ROBO3: variants seen among roughly 807,000 people sequenced by gnomAD.
The protein encoded by ROBO3 is roundabout guidance receptor 3, also known as roundabout homolog 3.
ROBO3 carries 97 observed loss-of-function variants against 160.5 expected under a neutral mutation model. The ratio of observed to expected loss-of-function variants is 0.60; its 90% CI spans 0.51 to 0.72. ROBO3 has a LOEUF of 0.72. ROBO3 is among the 30% of genes least tolerant of loss of function. ROBO3 has a pLI of 0.00. For synonymous variants in ROBO3, 780 were observed against 746.2 expected, an observed-to-expected ratio of 1.05 and a Z score of -0.74; for missense variants, 1,858 against 1,846.5, an observed-to-expected ratio of 1.01 and a Z score of -0.11.
chr11:124,869,916 A>G lies in ROBO3; in HGVS notation c.646-32A>G, dbSNP rs1208745795. Reference sequence around the variant, plus strand: ...TATATATATACGCTGTGATAGCTGAAATGGACCAAAGTTACCATTATTGCT... The same window carrying G: ...TATATATATACGCTGTGATAGCTGAGATGGACCAAAGTTACCATTATTGCT... On this transcript the variant is annotated intron_variant, in intron 3 of 27. Coordinates refer to ENST00000397801, the MANE Select transcript of ROBO3 (RefSeq NM_022370.4). This position sits in a 1 kb window ranked among gnomAD's most constrained non-coding sequence, Gnocchi z 4.2. 2 of 1,567,742 alleles carry G rather than the reference A, an allele frequency of 1.3e-6. No homozygotes were observed. The highest frequency in any genetic ancestry group is 1.7e-6 in the Non-Finnish European group (2 of 1,156,348).
In ROBO3 at chr11:124,879,274, T is replaced by G. The variant is rs1591521333; in HGVS notation, c.3618T>G (p.Gly1206=). ...GTGAAGCGAGGCCTGCTGGCTTGGG[T>G]GCTGGCCCTGCAGCCTCACCCCACC... ...GIREARPAGL[G]AGPAASPHLS... is the part of the protein sequence containing the mutation. The change falls in exon 24 of 28, where the codon GGT becomes GGG. Residue 1206 remains glycine (G), a synonymous_variant. Transcript: ENST00000397801. The G allele has an allele frequency of 6.3e-7, 1 of 1,586,274 alleles. No homozygotes were observed.
chr11:124,873,038 C>T lies in ROBO3; in HGVS notation c.1485C>T (p.Asp495=), dbSNP rs144055440. 848 of 1,613,936 alleles carry T rather than the reference C, an allele frequency of 5.3e-4. 2 individuals are homozygous for T. In the African/African-American group the frequency reaches 9.2e-3, roughly 18 times the overall value. The change falls in exon 9 of 28, where the codon GAC becomes GAT. Residue 495 remains aspartate (D), a synonymous_variant. Coordinates refer to ENST00000397801, the MANE Select transcript of ROBO3 (RefSeq NM_022370.4). This position sits in a 1 kb window ranked among gnomAD's most constrained non-coding sequence, Gnocchi z 4.5. ...ATGGGCAGTGGCTGCAGGGGGATGA[C>T]CTCCAGTTCAAGACAATGGCCAACG... is the stretch of plus-strand genomic sequence containing the variant. ...KKDGQWLQGD[D]LQFKTMANGT...
Position 124,873,880 on chromosome 11 carries a change from A to C in ROBO3, c.1784+18A>C. The C allele has an allele frequency of 6.2e-7, 1 of 1,611,780 alleles. No homozygotes were observed. Among genetic ancestry groups the C allele is most frequent in the Non-Finnish European group, 8.5e-7 (1 of 1,178,726 alleles). The stretch of plus-strand genomic sequence containing the variant: ...GCCTTCAGGTATGGAGAAAGTTTTG[A>C]ATGCAAACCTGGAGAGTTAAAAGGA... On this transcript the variant is annotated intron_variant, in intron 11 of 27. Coordinates refer to ENST00000397801, the MANE Select transcript of ROBO3 (RefSeq NM_022370.4). The surrounding 1 kb of genome is among the most constrained non-coding windows in gnomAD (Gnocchi z 4.5).
At position 124,873,342 on chromosome 11, in the gene ROBO3, C is replaced by A; in HGVS notation, c.1569C>A (p.Ala523=). 5 of 1,612,128 alleles carry A rather than the reference C, an allele frequency of 3.1e-6. No homozygotes were observed. The highest frequency in any genetic ancestry group is 4.2e-6 in the Non-Finnish European group (5 of 1,179,270). ...EMDMGFYSCV[A]KSSTGEATWS... is the part of the protein sequence containing the mutation. ...ACATGGGCTTCTACAGCTGCGTGGC[C>A]AAGAGTTCCACAGGGGAAGCCACAT... Residue 523 remains alanine, a synonymous_variant, in exon 10 of 28, where the codon GCC becomes GCA. Transcript: ENST00000397801. The surrounding 1 kb of genome is among the most constrained non-coding windows in gnomAD (Gnocchi z 4.5).
At chr11:124,870,487 G>A (rs926864195) in intron 5 of ROBO3, 114 bp from the exon 6 acceptor site, 16 of 1,537,456 alleles carry the variant, frequency 1.0e-5, no homozygotes, top group South Asian at 9.6e-5. Context: ...ACCAGCTTCT[G>A]TCCCTGCTGG....
rs940907182 is a variant in ROBO3 at position 124,873,188 on chromosome 11, C to A, written c.1536+99C>A. On this transcript the variant is annotated intron_variant, in intron 9 of 27. Coordinates refer to ENST00000397801, the MANE Select transcript of ROBO3 (RefSeq NM_022370.4). This position sits in a 1 kb window ranked among gnomAD's most constrained non-coding sequence, Gnocchi z 4.5. ...CACTGGGCCTGTAGCCCCATCTTTACCCCTCTGTTCTCTCAGAGCACCTAG... is the reference window on the plus strand; with the variant it reads ...CACTGGGCCTGTAGCCCCATCTTTAACCCTCTGTTCTCTCAGAGCACCTAG... The A allele has an allele frequency of 5.6e-6, 8 of 1,420,412 alleles. No individual in the cohort carries two copies. Among genetic ancestry groups the A allele is most frequent in the Non-Finnish European group, 6.8e-6 (7 of 1,026,462 alleles). The allele number at this position is 1,420,412 out of a possible 1,614,324, so 88.0% of individuals were successfully genotyped here. A position where few individuals can be genotyped will look rare whatever the true frequency, so the allele number is the denominator to read the frequency against.
In ROBO3 at chr11:124,877,145, G is replaced by A; in HGVS notation, c.2780-16G>A. 6.2e-7 allele frequency: 1 copy of A among 1,613,742 alleles called. No homozygotes were observed. The highest frequency in any genetic ancestry group is 8.5e-7 in the Non-Finnish European group (1 of 1,179,780). ...CATTTCACCTCTTCTTTCTCCCACG[G>A]GTTCCTTTCTGGAAGCCTCTTTTGC... On this transcript the variant is annotated splice_polypyrimidine_tract_variant and intron_variant, in intron 17 of 27. Transcript: ENST00000397801.
chr11:124,871,194 C>A, intron 7 of ROBO3, 56 bp downstream of exon 7: 1 of 1,551,826 alleles, frequency 6.4e-7, no homozygotes, highest in East Asian at 2.3e-5. Context: ...GCTCAGCCTC[C>A]CTCCCTCTAC....
chr11:124,875,732 G>A (rs373181784), intron 15 of ROBO3, 47 bp downstream of exon 15: 2 of 1,564,596 alleles, frequency 1.3e-6, no homozygotes, highest in Admixed American at 3.7e-5. Context: ...GGCCGGGAGG[G>A]AGAGGGAGGA....
rs1050614241 is a variant in ROBO3 at position 124,872,922 on chromosome 11, C to G, written c.1369C>G (p.Pro457Ala). ...DGLPPVILQG[P>A]ANQTLVLGSS... ...GCTGCCTCCTGTCATCCTCCAGGGA[C>G]CAGCCAATCAGACGCTGGTGCTTGG... is the stretch of plus-strand genomic sequence containing the variant. The change falls in exon 9 of 28, where the codon CCA becomes GCA. Residue 457 changes from proline (P) to alanine (A), a missense_variant. Pro to Ala is a conservative substitution (Grantham distance 27, BLOSUM62 -1). Transcript: ENST00000397801. The surrounding 1 kb of genome is among the most constrained non-coding windows in gnomAD (Gnocchi z 4.3). The G allele has an allele frequency of 6.2e-7, 1 of 1,611,442 alleles. No homozygotes were observed. Among genetic ancestry groups the G allele is most frequent in the African/African-American group, 1.3e-5 (1 of 75,004 alleles).
Position 124,871,066 on chromosome 11 carries a change from G to A in ROBO3, c.1086G>A (p.Glu362=). The change falls in exon 7 of 28, where the codon GAG becomes GAA. Residue 362 remains glutamate (E), a synonymous_variant. Coordinates refer to ENST00000397801, the MANE Select transcript of ROBO3 (RefSeq NM_022370.4). ...QPQDQMAAPG[E]SVAFQCETKG... ...AGGACCAGATGGCAGCTCCTGGAGAGAGCGTGGCTTTCCAGTGCGAGACCA... is the reference window on the plus strand; with the variant it reads ...AGGACCAGATGGCAGCTCCTGGAGAAAGCGTGGCTTTCCAGTGCGAGACCA... 6.2e-7 allele frequency: 1 copy of A among 1,613,818 alleles called. No homozygotes were observed. The highest frequency in any genetic ancestry group is 8.5e-7 in the Non-Finnish European group (1 of 1,179,718).
Position 124,878,495 on chromosome 11 carries a change from G to C in ROBO3, c.3320+59G>C. 3.1e-6 allele frequency: 5 copies of C among 1,602,232 alleles called. No individual in the cohort carries two copies. Among genetic ancestry groups the C allele is most frequent in the Non-Finnish European group, 3.4e-6 (4 of 1,172,602 alleles). On this transcript the variant is annotated intron_variant, in intron 22 of 27. Coordinates refer to ENST00000397801, the MANE Select transcript of ROBO3 (RefSeq NM_022370.4). The surrounding 1 kb of genome is among the most constrained non-coding windows in gnomAD (Gnocchi z 4.3). ...CTGCGGCCAGACCATGGGCTGCTGG[G>C]GAGGAAGGGGAGGGGGCAGCAGGAA...
chr11:124,869,767 C>G lies in ROBO3; in HGVS notation c.645+160C>G, dbSNP rs1302546754. Among the ~76,000 whole-genome samples the G allele has an allele frequency of 6.6e-6, 1 of 152,156 alleles. No individual in the cohort carries two copies. ...AGACGGAATTGGTATAAAAAAGGGGCGGGGGCATGATGCCCCAGGAACTTC... is the reference window on the plus strand; with the variant it reads ...AGACGGAATTGGTATAAAAAAGGGGGGGGGGCATGATGCCCCAGGAACTTC... On this transcript the variant is annotated intron_variant, in intron 3 of 27. Coordinates refer to ENST00000397801, the MANE Select transcript of ROBO3 (RefSeq NM_022370.4). The surrounding 1 kb of genome is among the most constrained non-coding windows in gnomAD (Gnocchi z 4.2).
In ROBO3 at chr11:124,865,458, G is replaced by C. The variant is rs185584218; in HGVS notation, c.-120G>C. Reference sequence around the variant, plus strand: ...TACCCAGGCGCACCGGCAGGAGAGCGGCACCGTGGCTGCCGCAGCGCGCAG... The same window carrying C: ...TACCCAGGCGCACCGGCAGGAGAGCCGCACCGTGGCTGCCGCAGCGCGCAG... On this transcript the variant is annotated 5_prime_UTR_variant, in exon 1 of 28. Coordinates refer to ENST00000397801, the MANE Select transcript of ROBO3 (RefSeq NM_022370.4). The surrounding 1 kb of genome is among the most constrained non-coding windows in gnomAD (Gnocchi z 5.5). The C allele has an allele frequency of 1.8e-3, 1,772 of 1,003,294 alleles. 28 individuals carry two copies. The African/African-American group carries it at 0.025, about 14-fold the overall frequency. 62.1% of individuals were successfully genotyped at this position (1,003,294 alleles called of 1,614,324 possible).
Position 124,873,010 on chromosome 11 carries a change from A to G in ROBO3, c.1457A>G (p.Lys486Arg). Residue 486 changes from lysine to arginine, a missense_variant, in exon 9 of 28, where the codon AAG becomes AGG. By Grantham distance (26) the Lys-to-Arg change is conservative. Coordinates refer to ENST00000397801, the MANE Select transcript of ROBO3 (RefSeq NM_022370.4). This position sits in a 1 kb window ranked among gnomAD's most constrained non-coding sequence, Gnocchi z 4.5. ...CCTCAACCCAGTGTCCGATGGAAGA[A>G]GGATGGGCAGTGGCTGCAGGGGGAT... is the stretch of plus-strand genomic sequence containing the variant. ...GNPQPSVRWKKDGQWLQGDDL... is the reference protein window; with the variant it reads ...GNPQPSVRWKRDGQWLQGDDL... The G allele has an allele frequency of 6.2e-7, 1 of 1,613,924 alleles. No homozygotes were observed. Among genetic ancestry groups the G allele is most frequent in the Non-Finnish European group, 8.5e-7 (1 of 1,179,860 alleles).
rs954524578 is a variant in ROBO3, at chr11:124,866,056, C to G, written c.160+319C>G. On this transcript the variant is annotated intron_variant, in intron 1 of 27. Coordinates refer to ENST00000397801, the MANE Select transcript of ROBO3 (RefSeq NM_022370.4). ...AGGGAAGTCCGAGCTAAGAAAGGCC[C>G]GGGCCCAGCGCAGGGAGGGCAGAGG... Among the ~76,000 whole-genome samples the G allele has an allele frequency of 2.6e-5, 4 of 152,144 alleles. No individual in the cohort carries two copies. The South Asian group carries it at 8.3e-4, about 32-fold the overall frequency.
chr11:124,872,578 G>A lies in ROBO3; in HGVS notation c.1330+26G>A. ...GTACGTGCCCATGGAGATAGGACTG[G>A]ATCCATGGCTTGGGAGGAAATAATG... On this transcript the variant is annotated intron_variant, in intron 8 of 27. Transcript: ENST00000397801. This position sits in a 1 kb window ranked among gnomAD's most constrained non-coding sequence, Gnocchi z 4.3. 1 of 1,597,918 alleles carries A rather than the reference G, an allele frequency of 6.3e-7. No individual in the cohort carries two copies. Among genetic ancestry groups the A allele is most frequent in the South Asian group, 1.1e-5 (1 of 90,266 alleles).
At position 124,869,436 on chromosome 11, in the gene ROBO3, A is replaced by T. The variant is rs11219820; in HGVS notation, c.488-14A>T. 1.1e-5 allele frequency: 14 copies of T among 1,283,452 alleles called. No homozygotes were observed. Among genetic ancestry groups the T allele is most frequent in the African/African-American group, 6.4e-5 (4 of 62,380 alleles). The allele number at this position is 1,283,452 out of a possible 1,614,324, so 79.5% of individuals were successfully genotyped here. A position where few individuals can be genotyped will look rare whatever the true frequency, so the allele number is the denominator to read the frequency against. On this transcript the variant is annotated splice_polypyrimidine_tract_variant and intron_variant, in intron 2 of 27. Coordinates refer to ENST00000397801, the MANE Select transcript of ROBO3 (RefSeq NM_022370.4). The surrounding 1 kb of genome is among the most constrained non-coding windows in gnomAD (Gnocchi z 4.2). Reference sequence around the variant, plus strand: ...CTACACCCTGCTTATTTCGCCCCCCACCGCCCCGCCCAGTCCTCCGTGATG... The same window carrying T: ...CTACACCCTGCTTATTTCGCCCCCCTCCGCCCCGCCCAGTCCTCCGTGATG...
Position 124,868,972 on chromosome 11 carries a change from C to T in ROBO3, c.331C>T (p.Pro111Ser). The T allele has an allele frequency of 1.2e-6, 2 of 1,603,698 alleles. No individual in the cohort carries two copies. The highest frequency in any genetic ancestry group is 1.1e-5 in the South Asian group (1 of 89,478). ...GCGTGTGGCCACTGTGCGGGAGGAT[C>T]CGCGTGCGCACCGCCTGCTGCTGCC... ...GARVATVRED[P>S]RAHRLLLPSG... The change falls in exon 2 of 28, where the codon CCG becomes TCG. Residue 111 changes from proline to serine, a missense_variant. Transcript: ENST00000397801.
Sources: allele counts gnomAD v4.1 joint callset (sites outside exome capture counted in the v4.1 genomes callset), GRCh38; gene constraint gnomAD v4.1.1; non-coding constraint Gnocchi (gnomAD v3.1); transcripts MANE v1.5; gene names NCBI Gene and HGNC (gene_info 2026-07-23, HGNC 2026-07-21).